Variants in CD200R1 observed in about 807,000 individuals in gnomAD.
CD200R1 encodes CD200 receptor 1.
CD200R1 carries 30 observed loss-of-function variants against 38.1 expected under a neutral mutation model. The observed-to-expected ratio is 0.79, with a 90% confidence interval of 0.59 to 1.07. The LOEUF is 1.07. Ranked by LOEUF, CD200R1 falls within the 50% of genes least tolerant of loss-of-function variation. The probability of loss-of-function intolerance (pLI) is 0.00; values close to 1 mark genes in which losing one functional copy is unlikely to be tolerated. For missense variants in CD200R1, 372 were observed against 415.4 expected, an observed-to-expected ratio of 0.90 and a Z score of 0.91; for synonymous variants, 128 against 152.1, an observed-to-expected ratio of 0.84 and a Z score of 1.16.
intron 1 of CD200R1, among the ~76,000 whole-genome samples, chr3:112,948,954 G>A (rs148023656): frequency 3.7e-4 from 57 of 152,314 alleles, no homozygotes; most frequent in Admixed American, 5.9e-4. Flanking sequence ...ATGTATAGAA[G>A]TTTAAAAGAA....
intron 2 of CD200R1, among the ~76,000 whole-genome samples, chr3:112,937,249 A>G (rs188957504): frequency 4.3e-4 from 65 of 152,276 alleles, no homozygotes; most frequent in Middle Eastern, 3.4e-3. Context: ...CACTATCATG[A>G]GAACAGCATG....
At chr3:112,947,218 TTTGCCTGAAAACA>T in intron 2 of CD200R1, among the ~76,000 whole-genome samples, 1 of 152,300 alleles carries the variant, frequency 6.6e-6, no homozygotes, top group South Asian at 2.1e-4. Context: ...TCATTATGCA[TTTGCCTGAAAACA>T]TTCATATTCA....
chr3:112,923,543 C>A lies in CD200R1; in HGVS notation c.*134G>T. Reference sequence around the variant, plus strand: ...TTATACAAGGGTATGAATGAGAATCCATTAAAATGTCTTCTAAGAACCTTG... The same window carrying A: ...TTATACAAGGGTATGAATGAGAATCAATTAAAATGTCTTCTAAGAACCTTG... On this transcript the variant is annotated 3_prime_UTR_variant, in exon 8 of 8. Transcript: ENST00000308611. 1 of 522,186 alleles carries A rather than the reference C, an allele frequency of 1.9e-6. No individual in the cohort carries two copies. Among genetic ancestry groups the A allele is most frequent in the African/African-American group, 2.0e-5 (1 of 50,072 alleles). 32.3% of individuals were successfully genotyped at this position (522,186 alleles called of 1,614,324 possible).
At chr3:112,945,628 C>T (rs1256357086) in intron 2 of CD200R1, among the ~76,000 whole-genome samples, 1 of 152,118 alleles carries the variant, frequency 6.6e-6, no homozygotes, top group African/African-American at 2.4e-5. Flanking sequence ...AAGAGAAAGT[C>T]CAAATGATCT....
chr3:112,936,451 C>T (rs993074462), intron 2 of CD200R1, among the ~76,000 whole-genome samples: 10 of 152,178 alleles, frequency 6.6e-5, no homozygotes, highest in African/African-American at 2.4e-4. Flanking sequence ...TTCTCCATAA[C>T]CTCGCTAGCA....
At chr3:112,970,544 A>C (rs1286812878) in intron 1 of CD200R1, among the ~76,000 whole-genome samples, 1 of 152,188 alleles carries the variant, frequency 6.6e-6, no homozygotes, top group Non-Finnish European at 1.5e-5. Flanking sequence ...TGACAAATGT[A>C]TGTGAGTGAT....
intron 1 of CD200R1, among the ~76,000 whole-genome samples, chr3:112,965,541 T>C (rs1933136484): frequency 6.6e-6 from 1 of 151,974 alleles, no homozygotes; most frequent in South Asian, 2.1e-4. Flanking sequence ...GGCAGGTGGA[T>C]CACGAGGTCA....
chr3:112,959,006 T>C (rs1291500745), intron 1 of CD200R1, among the ~76,000 whole-genome samples: 3 of 152,028 alleles, frequency 2.0e-5, no homozygotes, highest in Admixed American at 1.3e-4. Flanking sequence ...AAAAAGGCTC[T>C]CAGAAACAGC....
intron 1 of CD200R1, among the ~76,000 whole-genome samples, chr3:112,962,786 GC>G (rs2107341459): frequency 6.6e-6 from 1 of 152,216 alleles, no homozygotes; most frequent in East Asian, 1.9e-4. Flanking sequence ...CAAAACTAGA[GC>G]CTTGAAAACA....
chr3:112,972,098 C>T (rs905317721), intron 1 of CD200R1, among the ~76,000 whole-genome samples: 2 of 152,204 alleles, frequency 1.3e-5, no homozygotes, highest in Middle Eastern at 3.2e-3. Context: ...TCTACACACA[C>T]ACACAGACAT....
At chr3:112,925,879 T>C (rs1940269070) in intron 5 of CD200R1, among the ~76,000 whole-genome samples, 1 of 152,176 alleles carries the variant, frequency 6.6e-6, no homozygotes, top group African/African-American at 2.4e-5. Context: ...TCAACACTTC[T>C]GCCCCATTAA....
chr3:112,933,136 C>G (rs1462902213), intron 2 of CD200R1, among the ~76,000 whole-genome samples: 1 of 152,144 alleles, frequency 6.6e-6, no homozygotes, highest in Non-Finnish European at 1.5e-5. Flanking sequence ...AAGAAATAAT[C>G]TGGTGGGCCC....
At chr3:112,936,030 T>C (rs1940570481) in intron 2 of CD200R1, among the ~76,000 whole-genome samples, 1 of 152,168 alleles carries the variant, frequency 6.6e-6, no homozygotes, top group Non-Finnish European at 1.5e-5. Context: ...AGCTCCCACT[T>C]ATAAGTGAGA....
intron 2 of CD200R1, among the ~76,000 whole-genome samples, chr3:112,944,969 T>C (rs1940812384): frequency 6.6e-6 from 1 of 152,198 alleles, no homozygotes; most frequent in African/African-American, 2.4e-5. Flanking sequence ...ATACCATTTA[T>C]ATTAGCATCC....
intron 2 of CD200R1, among the ~76,000 whole-genome samples, chr3:112,940,224 A>G (rs1940697071): frequency 6.6e-6 from 1 of 152,028 alleles, no homozygotes; most frequent in African/African-American, 2.4e-5. Flanking sequence ...CTGCTAGAAG[A>G]AAACACCGAT....
intron 1 of CD200R1, among the ~76,000 whole-genome samples, chr3:112,963,620 T>G (rs572955377): frequency 6.6e-6 from 1 of 152,236 alleles, no homozygotes; most frequent in Admixed American, 6.5e-5. Context: ...GTATTCAAGA[T>G]GCGACTTGGG....
At chr3:112,945,564 T>C (rs1279592008) in intron 2 of CD200R1, among the ~76,000 whole-genome samples, 2 of 152,114 alleles carry the variant, frequency 1.3e-5, no homozygotes, top group Admixed American at 1.3e-4. Flanking sequence ...TCAAAATGGA[T>C]CAGTGTCCTA....
At chr3:112,973,443 A>G (rs1933358994) in intron 1 of CD200R1, among the ~76,000 whole-genome samples, 1 of 152,202 alleles carries the variant, frequency 6.6e-6, no homozygotes, top group Non-Finnish European at 1.5e-5. Context: ...ATCATTACTG[A>G]TTGTGATTCT....
At position 112,974,955 on chromosome 3, in the gene CD200R1, T is replaced by C. The variant is rs538331437; in HGVS notation, c.-98A>G. ...GGTGAGACCCTCTCTGGTCAACTTC[T>C]CAGTACAGGATCCTCTTACCCCATC... is the stretch of plus-strand genomic sequence containing the variant. On this transcript the variant is annotated 5_prime_UTR_variant, in exon 1 of 8. Transcript: ENST00000308611. 8.7e-5 allele frequency: 79 copies of C among 908,322 alleles called. No individual in the cohort carries two copies. Among genetic ancestry groups the C allele is most frequent in the Admixed American group, 1.9e-4 (10 of 52,362 alleles). The allele number at this position is 908,322 out of a possible 1,614,324, so 56.3% of individuals were successfully genotyped here.
Sources: gnomAD v4.1 joint callset for allele counts (sites outside exome capture counted in the v4.1 genomes callset) on GRCh38, gnomAD v4.1.1 for gene constraint, MANE v1.5 for transcripts, NCBI Gene and HGNC (gene_info 2026-07-23, HGNC 2026-07-21) for gene names.